Variants in RASGRF2 observed in about 807,000 individuals in gnomAD.
RASGRF2 encodes ras-specific guanine nucleotide-releasing factor 2.
In RASGRF2, 76 loss-of-function variants were observed where a neutral mutation model predicts 151.0. The observed-to-expected ratio is 0.50, with a 90% confidence interval of 0.42 to 0.61. The LOEUF (loss-of-function observed/expected upper bound fraction) is 0.61, where lower values mean the gene tolerates loss of function less well. Among genes scored for constraint, RASGRF2 ranks in the 20% least tolerant of loss-of-function variants. The probability of loss-of-function intolerance (pLI) is 0.00; values close to 1 mark genes in which losing one functional copy is unlikely to be tolerated. For synonymous variants in RASGRF2, 504 were observed against 566.5 expected, an observed-to-expected ratio of 0.89 and a Z score of 1.57; for missense variants, 1,148 against 1,564.6, an observed-to-expected ratio of 0.73 and a Z score of 4.49.
At chr5:80,994,360 T>C (rs1303632399) in intron 1 of RASGRF2, among the ~76,000 whole-genome samples, 2 of 82,294 alleles carry the variant, frequency 2.4e-5, no homozygotes, top group South Asian at 5.3e-4. Flanking sequence ...AGCGACACTC[T>C]GTCTCAAAAA....
chr5:81,209,560 C>T (rs146529652), intron 22 of RASGRF2, among the ~76,000 whole-genome samples: 1 of 152,294 alleles, frequency 6.6e-6, no homozygotes, highest in African/African-American at 2.4e-5. Flanking sequence ...CCCCAAAGCA[C>T]GTGGATGCTG....
chr5:81,082,476 C>T (rs1317345618), intron 7 of RASGRF2, among the ~76,000 whole-genome samples: 3 of 152,212 alleles, frequency 2.0e-5, no homozygotes, highest in Non-Finnish European at 1.5e-5. Flanking sequence ...CCTGATGTCT[C>T]ACTCATAGCA....
At chr5:81,171,522 A>G (rs1349888971) in intron 17 of RASGRF2, among the ~76,000 whole-genome samples, 1 of 147,546 alleles carries the variant, frequency 6.8e-6, no homozygotes. Flanking sequence ...AAATTATCAG[A>G]AAATTCAAAG....
chr5:80,994,611 A>G (rs1174102485), intron 1 of RASGRF2, among the ~76,000 whole-genome samples: 1 of 152,160 alleles, frequency 6.6e-6, no homozygotes, highest in Non-Finnish European at 1.5e-5. Flanking sequence ...TACATCTCAC[A>G]GATACGTGAT....
At chr5:81,026,959 A>T (rs1750057486) in intron 1 of RASGRF2, among the ~76,000 whole-genome samples, 1 of 152,226 alleles carries the variant, frequency 6.6e-6, no homozygotes, top group Non-Finnish European at 1.5e-5. Flanking sequence ...AGTGGAATTG[A>T]GTAAATCCAA....
At chr5:80,990,119 A>G (rs1469896484) in intron 1 of RASGRF2, among the ~76,000 whole-genome samples, 2 of 152,146 alleles carry the variant, frequency 1.3e-5, no homozygotes, top group Non-Finnish European at 2.9e-5. Context: ...CCCCTGGAGA[A>G]AGTAGGGTCA....
intron 19 of RASGRF2, 128 bp downstream of exon 19, chr5:81,201,570 A>T (rs1434535074): frequency 9.5e-7 from 1 of 1,047,390 alleles, no homozygotes; most frequent in Admixed American, 2.9e-5. Context: ...GTAAAGTGTT[A>T]TGTATTATCT....
intron 17 of RASGRF2, among the ~76,000 whole-genome samples, chr5:81,143,812 C>T (rs1448126092): frequency 1.3e-5 from 2 of 151,490 alleles, no homozygotes; most frequent in Admixed American, 6.6e-5. Context: ...ATTGCTTGAA[C>T]CTGGGAGGCA....
intron 10 of RASGRF2, 121 bp from the exon 11 acceptor site, chr5:81,094,175 T>C (rs574160999): frequency 2.8e-6 from 2 of 716,368 alleles, no homozygotes; most frequent in Admixed American, 6.4e-5. Context: ...TGAAAAATTA[T>C]TTATGATGCA....
At chr5:81,112,472 C>A in intron 13 of RASGRF2, 138 bp from the exon 14 acceptor site, 1 of 1,141,946 alleles carries the variant, frequency 8.8e-7, no homozygotes, top group Non-Finnish European at 1.3e-6. Context: ...TGAGGGACAA[C>A]TGTGCAATTA....
At chr5:81,109,972 T>C (rs1471461090) in intron 13 of RASGRF2, among the ~76,000 whole-genome samples, 1 of 152,200 alleles carries the variant, frequency 6.6e-6, no homozygotes, top group Non-Finnish European at 1.5e-5. Flanking sequence ...TTTATGTATA[T>C]ACTACTATTT....
intron 1 of RASGRF2, among the ~76,000 whole-genome samples, chr5:81,032,080 C>T (rs997786769): frequency 6.6e-6 from 1 of 152,142 alleles, no homozygotes; most frequent in African/African-American, 2.4e-5. Context: ...GACACATACA[C>T]CCTCCCAAGA....
intron 9 of RASGRF2, among the ~76,000 whole-genome samples, chr5:81,089,421 GTCAT>G (rs937917994): frequency 2.6e-5 from 4 of 152,004 alleles, no homozygotes; most frequent in African/African-American, 9.7e-5. Context: ...AGAAAAATAC[GTCAT>G]CCAGATCATC....
At chr5:81,015,179 C>G (rs1002222503) in intron 1 of RASGRF2, among the ~76,000 whole-genome samples, 1 of 152,114 alleles carries the variant, frequency 6.6e-6, no homozygotes, top group African/African-American at 2.4e-5. Flanking sequence ...CTTTCCAACT[C>G]TAGATTTTAT....
At chr5:81,131,569 A>G (rs976668121) in intron 17 of RASGRF2, among the ~76,000 whole-genome samples, 2 of 151,570 alleles carry the variant, frequency 1.3e-5, no homozygotes, top group Admixed American at 6.6e-5. Context: ...TGGCCAGGTT[A>G]GTTTTGAACT....
In RASGRF2 at chr5:80,984,155, G is replaced by A. The variant is rs181188673; in HGVS notation, c.288+23129G>A. ...GGCTCACTGCAACCTCTGCCTCCCA[G>A]ATTCAAGTGATTCTCCTGCCTCAGT... is the stretch of plus-strand genomic sequence containing the variant. On this transcript the variant is annotated intron_variant, in intron 1 of 26. Coordinates refer to ENST00000265080, the MANE Select transcript of RASGRF2 (RefSeq NM_006909.3). 2.4e-4 allele frequency among the ~76,000 whole-genome samples: 37 copies of A among 152,328 alleles called. No individual in the cohort carries two copies. The East Asian group carries it at 6.9e-3, about 29-fold the overall frequency.
chr5:81,211,721 T>C (rs1420727888), intron 22 of RASGRF2, among the ~76,000 whole-genome samples: 4 of 152,224 alleles, frequency 2.6e-5, no homozygotes, highest in East Asian at 1.9e-4. Context: ...ACTTTTTTTT[T>C]CCTCTCCATA....
At chr5:81,086,777 A>G (rs1752239859) in intron 8 of RASGRF2, 58 bp from the exon 9 acceptor site, 1 of 1,401,848 alleles carries the variant, frequency 7.1e-7, no homozygotes, top group African/African-American at 1.4e-5. Flanking sequence ...TTCTTTGCCT[A>G]CATGCTAGGG....
At chr5:81,053,940 G>A (rs1337476775) in intron 2 of RASGRF2, among the ~76,000 whole-genome samples, 1 of 152,176 alleles carries the variant, frequency 6.6e-6, no homozygotes, top group African/African-American at 2.4e-5. Flanking sequence ...AGAAGTGTCT[G>A]TTCATATCCT....
Sources: allele counts gnomAD v4.1 joint callset (sites outside exome capture counted in the v4.1 genomes callset), GRCh38; gene constraint gnomAD v4.1.1; transcripts MANE v1.5; gene names NCBI Gene and HGNC (gene_info 2026-07-23, HGNC 2026-07-21).